Variants in FSTL5 observed in about 807,000 individuals in gnomAD.
FSTL5 encodes the protein follistatin like 5, also known as follistatin-related protein 5.
Under a neutral mutation model 89.1 loss-of-function variants are expected in FSTL5, and 62 were observed. The observed-to-expected ratio is 0.70, with a 90% CI of 0.57 to 0.86. The LOEUF is 0.86. FSTL5 is among the 40% of genes least tolerant of loss of function. FSTL5 has a pLI of 0.00. For synonymous variants in FSTL5, 383 were observed against 346.2 expected, an observed-to-expected ratio of 1.11 and a Z score of -1.18; for missense variants, 1,057 against 1,001.6, an observed-to-expected ratio of 1.06 and a Z score of -0.75.
intron 2 of FSTL5, among the ~76,000 whole-genome samples, chr4:162,067,430 T>C (rs1444748630): frequency 6.6e-6 from 1 of 152,110 alleles, no homozygotes; most frequent in African/African-American, 2.4e-5. Context: ...TTGTGAATTA[T>C]GCTGCAATAA....
Position 161,680,006 on chromosome 4 carries a change from T to C in FSTL5, c.728-23512A>G, listed in dbSNP as rs187332875. On this transcript the variant is annotated intron_variant, in intron 6 of 15. Coordinates refer to ENST00000306100, the MANE Select transcript of FSTL5 (RefSeq NM_020116.5). ...AAACAATATTAAACATTTGCACTTT[T>C]ATTCTTAATTGTATTCTTCCAGTTA... is the stretch of plus-strand genomic sequence containing the variant. Among the ~76,000 whole-genome samples the C allele has an allele frequency of 8.7e-4, 132 of 152,012 alleles. 2 individuals carry two copies. Among genetic ancestry groups the C allele is most frequent in the Admixed American group, 8.7e-3 (132 of 15,252 alleles).
At chr4:161,735,031 G>A (rs1235113383) in intron 6 of FSTL5, among the ~76,000 whole-genome samples, 5 of 152,074 alleles carry the variant, frequency 3.3e-5, no homozygotes, top group Admixed American at 1.3e-4. Context: ...CCCAAGACTG[G>A]CCCCCCACTT....
At chr4:161,911,198 A>G (rs1412279347) in intron 4 of FSTL5, among the ~76,000 whole-genome samples, 1 of 152,120 alleles carries the variant, frequency 6.6e-6, no homozygotes. Flanking sequence ...TCCATTCAGT[A>G]TCTCCACCCT....
intron 4 of FSTL5, among the ~76,000 whole-genome samples, chr4:161,780,237 G>T (rs1741613678): frequency 6.6e-6 from 1 of 150,946 alleles, no homozygotes; most frequent in Non-Finnish European, 1.5e-5. Context: ...TGATAGGAAA[G>T]AAAAACATCT....
At chr4:161,674,660 T>G (rs1056841504) in intron 6 of FSTL5, among the ~76,000 whole-genome samples, 3 of 152,174 alleles carry the variant, frequency 2.0e-5, no homozygotes, top group African/African-American at 7.2e-5. Flanking sequence ...CCTCACGGGC[T>G]TGTTTGATTG....
rs186135584 is a variant in FSTL5, at chr4:161,899,342, A to G, written c.409+21062T>C. ...ATAGAGGACACATTCATAGGATATT[A>G]TATAGGCCCTAGTGCCCAGCTGTAC... On this transcript the variant is annotated intron_variant, in intron 4 of 15. Transcript: ENST00000306100. Among the ~76,000 whole-genome samples, 14 of 152,320 alleles carry G rather than the reference A, an allele frequency of 9.2e-5. No homozygotes were observed. The East Asian group carries it at 2.3e-3, about 25-fold the overall frequency.
At chr4:161,665,061 GA>G (rs1187690265) in intron 6 of FSTL5, among the ~76,000 whole-genome samples, 2 of 152,128 alleles carry the variant, frequency 1.3e-5, no homozygotes, top group African/African-American at 4.8e-5. Flanking sequence ...TTAAAGTTGA[GA>G]TTTGGGTGCA....
At chr4:161,833,637 A>G (rs369185344) in intron 4 of FSTL5, among the ~76,000 whole-genome samples, 13,630 of 151,868 alleles carry the variant, frequency 0.09, 761 homozygotes, top group African/African-American at 0.16. Context: ...ATTATGTAAT[A>G]GCCTTCTTTG....
intron 15 of FSTL5, among the ~76,000 whole-genome samples, chr4:161,442,604 C>A (rs1027611131): frequency 6.6e-6 from 1 of 151,956 alleles, no homozygotes; most frequent in Admixed American, 6.6e-5. Flanking sequence ...ACCATGCTAG[C>A]CAGATATTCA....
intron 6 of FSTL5, among the ~76,000 whole-genome samples, chr4:161,758,342 G>A (rs558976085): frequency 6.6e-6 from 1 of 151,858 alleles, no homozygotes; most frequent in African/African-American, 2.4e-5. Flanking sequence ...AAAAAAAAAT[G>A]GAAATTTTGG....
At chr4:161,476,203 T>TTTTTTTTTTTTTTTTTTTTTTTTTTTC (rs1734142745) in intron 13 of FSTL5, among the ~76,000 whole-genome samples, 1 of 147,176 alleles carries the variant, frequency 6.8e-6, no homozygotes, top group South Asian at 2.1e-4. Context: ...GTTTGTTTTT[T>TTTTTTTTTTTTTTTTTTTTTTTTTTTC]TGAGAAAGAG....
At chr4:161,396,316 A>G (rs1730996760) in intron 15 of FSTL5, among the ~76,000 whole-genome samples, 1 of 151,976 alleles carries the variant, frequency 6.6e-6, no homozygotes, top group Admixed American at 6.6e-5. Flanking sequence ...AGCAACAAGA[A>G]TATTTCTTTA....
chr4:161,733,951 C>G (rs759505070), intron 6 of FSTL5, among the ~76,000 whole-genome samples: 3 of 151,830 alleles, frequency 2.0e-5, no homozygotes, highest in Non-Finnish European at 2.9e-5. Flanking sequence ...CAAGGTCACT[C>G]AAAATTAAAA....
intron 1 of FSTL5, among the ~76,000 whole-genome samples, chr4:162,139,942 A>C (rs72986965): frequency 0.24 from 36,762 of 151,944 alleles, 4,624 homozygotes; most frequent in Non-Finnish European, 0.26. Context: ...CATGAGATCA[A>C]AAAGCTCCAT....
chr4:161,865,287 T>C (rs1341856502), intron 4 of FSTL5, among the ~76,000 whole-genome samples: 1 of 152,142 alleles, frequency 6.6e-6, no homozygotes, highest in Non-Finnish European at 1.5e-5. Flanking sequence ...AGAGAAATAA[T>C]TGTAAAAACT....
intron 3 of FSTL5, among the ~76,000 whole-genome samples, chr4:161,934,699 T>A (rs1328235323): frequency 1.3e-5 from 2 of 152,072 alleles, no homozygotes. Context: ...TAGATATAAA[T>A]CAATGTATGC....
intron 3 of FSTL5, among the ~76,000 whole-genome samples, chr4:162,025,941 T>C (rs2111171958): frequency 6.6e-6 from 1 of 151,934 alleles, no homozygotes; most frequent in South Asian, 2.1e-4. Context: ...AAAATGCACT[T>C]AACTAAATGC....
At chr4:161,784,398 CCTTT>C (rs1741806291) in intron 4 of FSTL5, among the ~76,000 whole-genome samples, 1 of 151,546 alleles carries the variant, frequency 6.6e-6, no homozygotes, top group Admixed American at 6.6e-5. Context: ...ATAAATTTGA[CCTTT>C]TTTTAAAAAA....
In FSTL5 at chr4:161,614,976, G is replaced by A. The variant is rs999387062; in HGVS notation, c.895-27401C>T. 4.8e-4 allele frequency among the ~76,000 whole-genome samples: 73 copies of A among 152,054 alleles called. 1 individual carries two copies. The highest frequency in any genetic ancestry group is 3.9e-3 in the Admixed American group (59 of 15,258). On this transcript the variant is annotated intron_variant, in intron 7 of 15. Coordinates refer to ENST00000306100, the MANE Select transcript of FSTL5 (RefSeq NM_020116.5). ...ACTGTAATCAATCAACAAAGATGAA[G>A]TGATCAGGCAGAACATGTAAAGAAA...
Sources: gnomAD v4.1 joint callset for allele counts (sites outside exome capture counted in the v4.1 genomes callset) on GRCh38, gnomAD v4.1.1 for gene constraint, MANE v1.5 for transcripts, NCBI Gene and HGNC (gene_info 2026-07-23, HGNC 2026-07-21) for gene names.